The following MACROD2 variants were observed in gnomAD, a reference collection of about 807,000 sequenced individuals.
The protein encoded by MACROD2 is ADP-ribose glycohydrolase MACROD2.
MACROD2 carries 36 observed loss-of-function variants against 70.4 expected under a neutral mutation model. The ratio of observed to expected loss-of-function variants is 0.51; its 90% CI spans 0.39 to 0.68. The LOEUF is 0.68. Ranked by LOEUF, MACROD2 falls within the 30% of genes least tolerant of loss-of-function variation. The probability of loss-of-function intolerance (pLI) is 0.00; values close to 1 mark genes in which losing one functional copy is unlikely to be tolerated. For synonymous variants in MACROD2, 172 were observed against 178.8 expected (o/e 0.96, Z 0.30); for missense variants, 496 against 538.4 (o/e 0.92, Z 0.78).
intron 3 of MACROD2, among the ~76,000 whole-genome samples, chr20:14,168,639 A>G (rs1433075509): frequency 2.0e-5 from 3 of 152,172 alleles, no homozygotes; most frequent in African/African-American, 7.2e-5. Context: ...GGCTTTGCCA[A>G]ATACATAATG....
chr20:15,969,112 G>C (rs1433566537), intron 13 of MACROD2, among the ~76,000 whole-genome samples: 1 of 152,026 alleles, frequency 6.6e-6, no homozygotes, highest in Non-Finnish European at 1.5e-5. Flanking sequence ...GAATGAACGA[G>C]CAGTAGATTG....
In MACROD2 at chr20:14,338,446, T is replaced by A. The variant is rs183131452; in HGVS notation, c.272-155033T>A. 1.3e-3 allele frequency among the ~76,000 whole-genome samples: 194 copies of A among 152,174 alleles called. 2 individuals are homozygous for A. The highest frequency in any genetic ancestry group is 0.01 in the Middle Eastern group (3 of 294). ...CAATAGGAATGCCAAAAGATTTTTTTAAATGGTATTAAATGGTCTGTTCTT... is the reference window on the plus strand; with the variant it reads ...CAATAGGAATGCCAAAAGATTTTTTAAAATGGTATTAAATGGTCTGTTCTT... On this transcript the variant is annotated intron_variant, in intron 3 of 17. Coordinates refer to ENST00000684519, the MANE Select transcript of MACROD2 (RefSeq NM_001351661.2).
chr20:15,007,101 A>G (rs2122920487), intron 5 of MACROD2, among the ~76,000 whole-genome samples: 1 of 152,316 alleles, frequency 6.6e-6, no homozygotes, highest in East Asian at 1.9e-4. Flanking sequence ...GCAGTGGCTC[A>G]CTTCTGTAAT....
chr20:15,828,235 T>G (rs924618737), intron 8 of MACROD2, among the ~76,000 whole-genome samples: 5 of 152,200 alleles, frequency 3.3e-5, no homozygotes. Flanking sequence ...TTGTATACCA[T>G]AAATGTATCT....
At chr20:14,952,172 TG>T (rs1443517983) in intron 5 of MACROD2, among the ~76,000 whole-genome samples, 1 of 152,190 alleles carries the variant, frequency 6.6e-6, no homozygotes, top group Non-Finnish European at 1.5e-5. Flanking sequence ...GGAATTTGCA[TG>T]ATTTTGTAAA....
intron 12 of MACROD2, among the ~76,000 whole-genome samples, chr20:15,938,026 A>C (rs175778): frequency 0.99 from 149,817 of 151,506 alleles, 74,081 homozygotes; most frequent in East Asian, 1. Flanking sequence ...ATTCTGTCAG[A>C]AGTTACTATG....
At chr20:14,345,629 C>A (rs555797093) in intron 3 of MACROD2, among the ~76,000 whole-genome samples, 1 of 152,040 alleles carries the variant, frequency 6.6e-6, no homozygotes, top group African/African-American at 2.4e-5. Context: ...TGGGTTTTGC[C>A]ATATTGGCCA....
chr20:16,015,210 A>C (rs1293544373), intron 15 of MACROD2, among the ~76,000 whole-genome samples: 1 of 152,250 alleles, frequency 6.6e-6, no homozygotes, highest in African/African-American at 2.4e-5. Flanking sequence ...TATTAAAACT[A>C]AGCAGACAAT....
At chr20:14,844,731 T>C (rs1318938857) in intron 5 of MACROD2, among the ~76,000 whole-genome samples, 1 of 152,066 alleles carries the variant, frequency 6.6e-6, no homozygotes, top group African/African-American at 2.4e-5. Context: ...TTATGCTTAC[T>C]ATAAATCAAT....
intron 5 of MACROD2, among the ~76,000 whole-genome samples, chr20:14,857,648 T>C (rs2073269496): frequency 6.6e-6 from 1 of 152,164 alleles, no homozygotes; most frequent in Non-Finnish European, 1.5e-5. Context: ...AGGTAATTAA[T>C]GCGGAAAGTG....
At chr20:14,025,646 G>T (rs960124964) in intron 2 of MACROD2, among the ~76,000 whole-genome samples, 27 of 152,180 alleles carry the variant, frequency 1.8e-4, no homozygotes, top group African/African-American at 6.3e-4. Flanking sequence ...CCATGTAGTT[G>T]TGTGGTTTTG....
At chr20:16,021,520 C>T (rs1273343470) in intron 15 of MACROD2, among the ~76,000 whole-genome samples, 1 of 152,192 alleles carries the variant, frequency 6.6e-6, no homozygotes, top group Non-Finnish European at 1.5e-5. Context: ...AAGCGAGCTC[C>T]AGAAACCAGT....
At chr20:15,304,191 G>A (rs2077673969) in intron 6 of MACROD2, among the ~76,000 whole-genome samples, 1 of 151,942 alleles carries the variant, frequency 6.6e-6, no homozygotes, top group South Asian at 2.1e-4. Context: ...TGCATGACTG[G>A]GGTTGGAGAT....
At chr20:14,011,878 G>C (rs2052913016) in intron 2 of MACROD2, among the ~76,000 whole-genome samples, 2 of 151,372 alleles carry the variant, frequency 1.3e-5, no homozygotes, top group Admixed American at 1.3e-4. Flanking sequence ...TCTGCCTCTT[G>C]GTCAACAGTA....
At chr20:14,203,049 GA>G (rs557929645) in intron 3 of MACROD2, among the ~76,000 whole-genome samples, 6,963 of 138,052 alleles carry the variant, frequency 0.05, 165 homozygotes, top group South Asian at 0.069. Context: ...CTCCATCTTA[GA>G]AAAAAAAAAA....
chr20:14,429,963 G>A (rs571691449), intron 3 of MACROD2, among the ~76,000 whole-genome samples: 5 of 152,108 alleles, frequency 3.3e-5, no homozygotes, highest in Admixed American at 6.5e-5. Context: ...TTCTTTTCTC[G>A]CTTTCCATTT....
chr20:16,023,805 G>T (rs1601338953), intron 15 of MACROD2, among the ~76,000 whole-genome samples: 1 of 152,150 alleles, frequency 6.6e-6, no homozygotes, highest in African/African-American at 2.4e-5. Flanking sequence ...TTGTCTGGGG[G>T]TGGGGCGAGT....
chr20:15,757,694 G>T (rs2051368044), intron 8 of MACROD2, among the ~76,000 whole-genome samples: 1 of 152,072 alleles, frequency 6.6e-6, no homozygotes, highest in African/African-American at 2.4e-5. Context: ...TTCGGTTCCT[G>T]GTGAGGACCC....
intron 5 of MACROD2, among the ~76,000 whole-genome samples, chr20:15,051,717 C>G (rs1337286656): frequency 4.0e-5 from 6 of 150,716 alleles, no homozygotes; most frequent in Admixed American, 2.6e-4. Context: ...AAAGTCTTGC[C>G]AAATTGACAC....
Sources: gnomAD v4.1 joint callset for allele counts (sites outside exome capture counted in the v4.1 genomes callset) on GRCh38, gnomAD v4.1.1 for gene constraint, MANE v1.5 for transcripts, NCBI Gene and HGNC (gene_info 2026-07-23, HGNC 2026-07-21) for gene names.